The following SORL1-AS1 variants were observed in gnomAD, a reference collection of about 807,000 sequenced individuals.
SORL1-AS1 encodes lncRNA 51 A.
At chr11:121,440,731 TTGC>T in the SORL1-AS1 span, among the ~76,000 whole-genome samples, 4 of 152,186 alleles carry the variant, frequency 2.6e-5, no homozygotes, top group Admixed American at 2.6e-4. Flanking sequence ...CAGACAAGAC[TTGC>T]TGGGGTTCCC....
chr11:121,449,728 T>G (rs1250748959), exon 2 of SORL1-AS1: 1 of 152,200 alleles, frequency 6.6e-6, no homozygotes, highest in Non-Finnish European at 1.5e-5. Context: ...CCTGTGAGAT[T>G]GGTAGGGATT....
chr11:121,441,425 G>C, the SORL1-AS1 span, among the ~76,000 whole-genome samples: 1 of 151,204 alleles, frequency 6.6e-6, no homozygotes, highest in Admixed American at 6.6e-5. Flanking sequence ...CAGCTACTCG[G>C]GAGGCTGAGG....
In SORL1-AS1 at chr11:121,452,394, G is replaced by A. The variant is rs758368932; in HGVS notation, n.339+281C>T. On this transcript the variant is annotated intron_variant and non_coding_transcript_variant, in intron 1 of 1. Coordinates refer to ENST00000501964, the Ensembl canonical transcript of SORL1-AS1. The surrounding 1 kb of genome is among the most constrained non-coding windows in gnomAD (Gnocchi z 5.3). ...CGTTCCTATTCACCCTGGTCGCACT[G>A]CTGCCGCCCGGAGCTCTCTGCGAAG... is the stretch of plus-strand genomic sequence containing the variant. The A allele has an allele frequency of 2.9e-5, 45 of 1,539,238 alleles. No individual in the cohort carries two copies. Among genetic ancestry groups the A allele is most frequent in the Non-Finnish European group, 3.8e-5 (44 of 1,146,930 alleles).
chr11:121,452,754 T>A lies in SORL1-AS1; in HGVS notation n.260A>T, dbSNP rs757213974. The A allele has an allele frequency of 1.4e-5, 10 of 701,122 alleles. No individual in the cohort carries two copies. The highest frequency in any genetic ancestry group is 2.1e-5 in the Non-Finnish European group (10 of 465,834). The allele number at this position is 701,122 out of a possible 1,614,324, so 43.4% of individuals were successfully genotyped here. A position where few individuals can be genotyped will look rare whatever the true frequency, so the allele number is the denominator to read the frequency against. On this transcript the variant is annotated non_coding_transcript_exon_variant, in exon 1 of 2. Transcript: ENST00000501964. This position sits in a 1 kb window ranked among gnomAD's most constrained non-coding sequence, Gnocchi z 5.3. ...CCCGGCTTGCATTTGTTTTTTTCCT[T>A]CACGAGTACAACCGTCAGCACTTGA...
rs938274900 is a variant in SORL1-AS1, at chr11:121,452,195, C to A, written n.339+480G>T. 60 of 368,428 alleles carry A rather than the reference C, an allele frequency of 1.6e-4. No homozygotes were observed. The highest frequency in any genetic ancestry group is 2.2e-4 in the Non-Finnish European group (58 of 265,974). The allele number at this position is 368,428 out of a possible 1,614,324, so 22.8% of individuals were successfully genotyped here. On this transcript the variant is annotated intron_variant and non_coding_transcript_variant, in intron 1 of 1. Coordinates refer to ENST00000501964, the Ensembl canonical transcript of SORL1-AS1. This position sits in a 1 kb window ranked among gnomAD's most constrained non-coding sequence, Gnocchi z 5.3. The stretch of plus-strand genomic sequence containing the variant: ...CTGGCGGCAGCGGCGGCGGGCGCAG[C>A]GGGGCGGCCCGGAGCGGCGCGGGCG...
At chr11:121,441,530 CA>C in the SORL1-AS1 span, among the ~76,000 whole-genome samples, 422 of 52,358 alleles carry the variant, frequency 8.1e-3, 6 homozygotes, top group Admixed American at 0.01. Flanking sequence ...GACTCTGTCT[CA>C]AAAAAAAAAA....
At chr11:121,441,537 A>G in the SORL1-AS1 span, among the ~76,000 whole-genome samples, 1 of 150,300 alleles carries the variant, frequency 6.7e-6, no homozygotes, top group African/African-American at 2.5e-5. Context: ...TCTCAAAAAA[A>G]AAAAAAAAAA....
Position 121,450,344 on chromosome 11 carries a change from G to A in SORL1-AS1, n.340-445C>T, listed in dbSNP as rs940310687. Among the ~76,000 whole-genome samples the A allele has an allele frequency of 3.0e-4, 45 of 152,218 alleles. No homozygotes were observed. The highest frequency in any genetic ancestry group is 9.9e-4 in the African/African-American group (41 of 41,524). On this transcript the variant is annotated intron_variant and non_coding_transcript_variant, in intron 1 of 1. Transcript: ENST00000501964. The surrounding 1 kb of genome is among the most constrained non-coding windows in gnomAD (Gnocchi z 5.2). ...GAGACCATGGGGTTGTCCATTCCTG[G>A]TAAGGTGATGCTGACCAGACAGAGC...
At chr11:121,447,125 C>A (rs1407381604), downstream of SORL1-AS1, among the ~76,000 whole-genome samples, 3 of 152,140 alleles carry the variant, frequency 2.0e-5, no homozygotes, top group African/African-American at 7.2e-5. Context: ...GGACCCTCAG[C>A]AACCCATTGT....
In SORL1-AS1 at chr11:121,452,488, G is replaced by T; in HGVS notation, n.339+187C>A. On this transcript the variant is annotated intron_variant and non_coding_transcript_variant, in intron 1 of 1. Coordinates refer to ENST00000501964, the Ensembl canonical transcript of SORL1-AS1. This position sits in a 1 kb window ranked among gnomAD's most constrained non-coding sequence, Gnocchi z 5.3. ...GGACCGGGGCTTCCTCGTGGTGCAGGGCGACCCGCGCGAGCTGCGGCTGTG... is the reference window on the plus strand; with the variant it reads ...GGACCGGGGCTTCCTCGTGGTGCAGTGCGACCCGCGCGAGCTGCGGCTGTG... 2.0e-6 allele frequency: 3 copies of T among 1,489,142 alleles called. No homozygotes were observed. Among genetic ancestry groups the T allele is most frequent in the Non-Finnish European group, 2.7e-6 (3 of 1,121,760 alleles). The allele number at this position is 1,489,142 out of a possible 1,614,324, so 92.2% of individuals were successfully genotyped here.
chr11:121,452,183 C>A lies in SORL1-AS1; in HGVS notation n.339+492G>T. 3.8e-6 allele frequency: 1 copy of A among 261,914 alleles called. No individual in the cohort carries two copies. Among genetic ancestry groups the A allele is most frequent in the South Asian group, 1.3e-4 (1 of 7,744 alleles). 16.2% of individuals were successfully genotyped at this position (261,914 alleles called of 1,614,324 possible). A position where few individuals can be genotyped will look rare whatever the true frequency, so the allele number is the denominator to read the frequency against. ...ACCGAGCGGGACCTGGCGGCAGCGGCGGCGGGCGCAGCGGGGCGGCCCGGA... is the reference window on the plus strand; with the variant it reads ...ACCGAGCGGGACCTGGCGGCAGCGGAGGCGGGCGCAGCGGGGCGGCCCGGA... On this transcript the variant is annotated intron_variant and non_coding_transcript_variant, in intron 1 of 1. Coordinates refer to ENST00000501964, the Ensembl canonical transcript of SORL1-AS1. The surrounding 1 kb of genome is among the most constrained non-coding windows in gnomAD (Gnocchi z 5.3).
downstream of SORL1-AS1, among the ~76,000 whole-genome samples, chr11:121,443,904 T>A (rs1442114362): frequency 1.3e-5 from 2 of 152,224 alleles, no homozygotes; most frequent in Non-Finnish European, 2.9e-5. Flanking sequence ...CTTTTGTCTC[T>A]CCACTTAAAG....
downstream of SORL1-AS1, among the ~76,000 whole-genome samples, chr11:121,443,896 T>C (rs1038450784): frequency 1.3e-5 from 2 of 152,194 alleles, no homozygotes; most frequent in Non-Finnish European, 2.9e-5. Flanking sequence ...CATCTGGTCT[T>C]TTGTCTCTCC....
rs1317462688 is a variant in SORL1-AS1, at chr11:121,450,266, A to G, written n.340-367T>C. Among the ~76,000 whole-genome samples, 1 of 151,676 alleles carries G rather than the reference A, an allele frequency of 6.6e-6. No individual in the cohort carries two copies. The highest frequency in any genetic ancestry group is 1.5e-5 in the Non-Finnish European group (1 of 67,968). On this transcript the variant is annotated intron_variant and non_coding_transcript_variant, in intron 1 of 1. Transcript: ENST00000501964. The surrounding 1 kb of genome is among the most constrained non-coding windows in gnomAD (Gnocchi z 5.2). ...TTCTCACTTTAGCCATATTCCCTTC[A>G]TTTTCCTTTGAGGGCTAAATGGGAG...
chr11:121,440,781 C>G, the SORL1-AS1 span, among the ~76,000 whole-genome samples: 1 of 152,212 alleles, frequency 6.6e-6, no homozygotes, highest in South Asian at 2.1e-4. Flanking sequence ...ACCCTTTTGT[C>G]CAGTCGCATT....
At chr11:121,440,755 A>G in the SORL1-AS1 span, among the ~76,000 whole-genome samples, 1 of 152,190 alleles carries the variant, frequency 6.6e-6, no homozygotes, top group Non-Finnish European at 1.5e-5. Flanking sequence ...TTCTCAGTCT[A>G]TTACCACTAG....
downstream of SORL1-AS1, among the ~76,000 whole-genome samples, chr11:121,445,540 C>A (rs958951862): frequency 6.6e-6 from 1 of 152,118 alleles, no homozygotes; most frequent in Admixed American, 6.5e-5. Context: ...ACCACCCCAC[C>A]TACCTGTTCC....
Position 121,452,862 on chromosome 11 carries a change from G to A in SORL1-AS1, n.152C>T, listed in dbSNP as rs983989123. ...CCGGGTGCAGTGCGTATTACCCCAG[G>A]GTGTGTGCAGAGAGATGTAGTTTCC... On this transcript the variant is annotated non_coding_transcript_exon_variant, in exon 1 of 2. Coordinates refer to ENST00000501964, the Ensembl canonical transcript of SORL1-AS1. This position sits in a 1 kb window ranked among gnomAD's most constrained non-coding sequence, Gnocchi z 5.3. 6.7e-6 allele frequency: 3 copies of A among 444,672 alleles called. No homozygotes were observed. Among genetic ancestry groups the A allele is most frequent in the African/African-American group, 6.2e-5 (3 of 48,634 alleles). 27.5% of individuals were successfully genotyped at this position (444,672 alleles called of 1,614,324 possible). A position where few individuals can be genotyped will look rare whatever the true frequency, so the allele number is the denominator to read the frequency against.
Position 121,452,512 on chromosome 11 carries a change from T to C in SORL1-AS1, n.339+163A>G. ...GGGCGACCCGCGCGAGCTGCGGCTG[T>C]GGGCGCGCGGGGATGCCAGGGGGGC... On this transcript the variant is annotated intron_variant and non_coding_transcript_variant, in intron 1 of 1. Transcript: ENST00000501964. The surrounding 1 kb of genome is among the most constrained non-coding windows in gnomAD (Gnocchi z 5.3). 2 of 1,478,242 alleles carry C rather than the reference T, an allele frequency of 1.4e-6. No homozygotes were observed. Among genetic ancestry groups the C allele is most frequent in the Non-Finnish European group, 1.8e-6 (2 of 1,118,670 alleles). The allele number at this position is 1,478,242 out of a possible 1,614,324, so 91.6% of individuals were successfully genotyped here.
Sources: allele counts gnomAD v4.1 joint callset (sites outside exome capture counted in the v4.1 genomes callset), GRCh38; gene constraint gnomAD v4.1.1; non-coding constraint Gnocchi (gnomAD v3.1); transcripts MANE v1.5; gene names NCBI Gene and HGNC (gene_info 2026-07-23, HGNC 2026-07-21).